Variants in TBCA observed in about 807,000 individuals in gnomAD.
TBCA encodes the protein tubulin-specific chaperone A.
TBCA carries 6 observed loss-of-function variants against 15.8 expected under a neutral mutation model. That is an observed-to-expected ratio of 0.38 (90% CI 0.21 to 0.75). The LOEUF (loss-of-function observed/expected upper bound fraction) is 0.75, where lower values mean the gene tolerates loss of function less well. Among genes scored for constraint, TBCA ranks in the 30% least tolerant of loss-of-function variants. The pLI is 0.46. For synonymous variants in TBCA, 32 were observed against 42.3 expected (o/e 0.76, Z 0.94); for missense variants, 90 against 131.2 (o/e 0.69, Z 1.53).
At chr5:77,729,981 A>C (rs1345333727) in intron 1 of TBCA, among the ~76,000 whole-genome samples, 1 of 152,178 alleles carries the variant, frequency 6.6e-6, no homozygotes, top group East Asian at 1.9e-4. Flanking sequence ...ATGATACTTT[A>C]ATATATTCCT....
intron 1 of TBCA, among the ~76,000 whole-genome samples, chr5:77,750,804 T>G (rs1463735683): frequency 6.6e-6 from 1 of 152,136 alleles, no homozygotes; most frequent in African/African-American, 2.4e-5. Flanking sequence ...TTTTGTACGT[T>G]TTAGGGAGAC....
At chr5:77,742,647 G>T (rs765974915) in intron 1 of TBCA, among the ~76,000 whole-genome samples, 43 of 152,278 alleles carry the variant, frequency 2.8e-4, no homozygotes, top group South Asian at 2.1e-4. Flanking sequence ...AAATGTTCAG[G>T]TAATATGATT....
At chr5:77,771,821 A>T (rs907760755) in intron 1 of TBCA, among the ~76,000 whole-genome samples, 2 of 152,176 alleles carry the variant, frequency 1.3e-5, no homozygotes, top group African/African-American at 4.8e-5. Context: ...TCAGAAACTA[A>T]ATTAATCCAC....
chr5:77,760,343 G>GT (rs1336247510), intron 1 of TBCA, among the ~76,000 whole-genome samples: 1 of 152,166 alleles, frequency 6.6e-6, no homozygotes, highest in Non-Finnish European at 1.5e-5. Context: ...AGGAATTTGA[G>GT]TAATTATTTC....
chr5:77,760,679 T>C (rs1292122464), intron 1 of TBCA, among the ~76,000 whole-genome samples: 1 of 152,234 alleles, frequency 6.6e-6, no homozygotes, highest in African/African-American at 2.4e-5. Flanking sequence ...TGCCTCGGGC[T>C]CCCGAGGTGC....
intron 1 of TBCA, among the ~76,000 whole-genome samples, chr5:77,759,554 A>G (rs1046068574): frequency 6.6e-6 from 1 of 152,212 alleles, no homozygotes; most frequent in African/African-American, 2.4e-5. Context: ...TGGTTTACGC[A>G]TCAAAGCAAG....
At chr5:77,707,493 A>G (rs1000993631) in intron 2 of TBCA, among the ~76,000 whole-genome samples, 4 of 152,140 alleles carry the variant, frequency 2.6e-5, no homozygotes, top group Non-Finnish European at 5.9e-5. Flanking sequence ...AAAATTTCAG[A>G]GGCAAAGAAG....
intron 1 of TBCA, among the ~76,000 whole-genome samples, chr5:77,727,805 G>T (rs1180317761): frequency 6.6e-6 from 1 of 152,070 alleles, no homozygotes; most frequent in Non-Finnish European, 1.5e-5. Context: ...TAAAAGAAAA[G>T]ACAATAGTTG....
intron 1 of TBCA, among the ~76,000 whole-genome samples, chr5:77,763,116 C>G (rs942534929): frequency 6.6e-6 from 1 of 152,008 alleles, no homozygotes; most frequent in African/African-American, 2.4e-5. Flanking sequence ...TGATGGCGGG[C>G]GCCTGTAGTC....
intron 1 of TBCA, among the ~76,000 whole-genome samples, chr5:77,733,413 G>A (rs1179052306): frequency 6.6e-6 from 1 of 152,200 alleles, no homozygotes; most frequent in East Asian, 1.9e-4. Context: ...ACTTCTTGAA[G>A]GAAATTAAGA....
chr5:77,701,655 A>G (rs1746016536), intron 2 of TBCA, among the ~76,000 whole-genome samples: 1 of 142,840 alleles, frequency 7.0e-6, no homozygotes, highest in South Asian at 2.3e-4. Flanking sequence ...ATGTCCATCA[A>G]TCAACAAGTG....
intron 2 of TBCA, among the ~76,000 whole-genome samples, chr5:77,702,617 C>A (rs1323986259): frequency 6.6e-6 from 1 of 152,110 alleles, no homozygotes; most frequent in African/African-American, 2.4e-5. Context: ...TGCAAACACA[C>A]AAATGAGTGC....
chr5:77,764,996 T>C (rs1747737479), intron 1 of TBCA, among the ~76,000 whole-genome samples: 1 of 152,078 alleles, frequency 6.6e-6, no homozygotes, highest in African/African-American at 2.4e-5. Flanking sequence ...AAATTTTAAA[T>C]ATATTTGTTA....
chr5:77,765,881 CA>C (rs70997944), intron 1 of TBCA, among the ~76,000 whole-genome samples: 1,444 of 130,290 alleles, frequency 0.011, 8 homozygotes, highest in African/African-American at 0.036. Flanking sequence ...AAACTAGGGC[CA>C]AAAAAAAAAA....
intron 1 of TBCA, among the ~76,000 whole-genome samples, chr5:77,768,559 G>C (rs952297856): frequency 1.3e-5 from 2 of 152,064 alleles, no homozygotes; most frequent in African/African-American, 4.8e-5. Flanking sequence ...CTGCTTATCC[G>C]ATCAGGTTCA....
At chr5:77,774,950 T>G (rs1369600942) in intron 1 of TBCA, among the ~76,000 whole-genome samples, 1 of 150,042 alleles carries the variant, frequency 6.7e-6, no homozygotes, top group Non-Finnish European at 1.5e-5. Context: ...TGCCTCTCAT[T>G]TTATTCCTGA....
rs765749644 is a variant in TBCA, at chr5:77,708,304, G to C, written c.97C>G (p.Gln33Glu). 13 of 1,609,526 alleles carry C rather than the reference G, an allele frequency of 8.1e-6. No individual in the cohort carries two copies. Among genetic ancestry groups the C allele is most frequent in the South Asian group, 1.1e-5 (1 of 90,498 alleles). ...CTCATTTTTTCAATCTTTTCTTCTT[G>C]TTGTTTTGCCTCTTTTTCATACATC... is the stretch of plus-strand genomic sequence containing the variant. ...KVMYEKEAKQ[Q>E]EEKIEKMRAE... Residue 33 changes from glutamine to glutamate, a missense_variant, in exon 2 of 4, where the codon CAA becomes GAA. Physicochemically the swap from Gln to Glu is conservative, Grantham distance 29 (BLOSUM62 2). Transcript: ENST00000380377.
chr5:77,774,117 A>G (rs1408794409), intron 1 of TBCA, among the ~76,000 whole-genome samples: 1 of 152,246 alleles, frequency 6.6e-6, no homozygotes, highest in Non-Finnish European at 1.5e-5. Flanking sequence ...GGAACAATTG[A>G]GCAGCATTAA....
intron 2 of TBCA, among the ~76,000 whole-genome samples, chr5:77,706,142 C>G (rs2112435767): frequency 6.6e-6 from 1 of 152,108 alleles, no homozygotes; most frequent in East Asian, 1.9e-4. Context: ...CTGAATAAAG[C>G]CTGAGTTAAG....
Sources: allele counts gnomAD v4.1 joint callset (sites outside exome capture counted in the v4.1 genomes callset), GRCh38; gene constraint gnomAD v4.1.1; transcripts MANE v1.5; gene names NCBI Gene and HGNC (gene_info 2026-07-23, HGNC 2026-07-21).